Variants in GNAQ observed in about 807,000 individuals in gnomAD.
The protein encoded by GNAQ is guanine nucleotide-binding protein G(q) subunit alpha.
GNAQ carries 8 observed loss-of-function variants against 43.9 expected under a neutral mutation model. The ratio of observed to expected loss-of-function variants is 0.18; its 90% CI spans 0.11 to 0.33. The LOEUF (loss-of-function observed/expected upper bound fraction) is 0.33, where lower values mean the gene tolerates loss of function less well. Ranked by LOEUF, GNAQ falls within the 10% of genes least tolerant of loss-of-function variation. GNAQ has a pLI of 1.00. For synonymous variants in GNAQ, 155 were observed against 170.7 expected (o/e 0.91, Z 0.71); for missense variants, 158 against 450.8 (o/e 0.35, Z 5.88).
At chr9:77,747,263 C>T (rs1431236013) in intron 5 of GNAQ, among the ~76,000 whole-genome samples, 1 of 151,860 alleles carries the variant, frequency 6.6e-6, no homozygotes, top group Non-Finnish European at 1.5e-5. Context: ...GTAACAGAAA[C>T]ATCAAAAGGC....
chr9:77,939,776 T>G (rs184724855), intron 1 of GNAQ, among the ~76,000 whole-genome samples: 1 of 152,340 alleles, frequency 6.6e-6, no homozygotes, highest in Admixed American at 6.5e-5. Context: ...TAGAGAATAT[T>G]TTATAATCAT....
At chr9:77,895,152 C>T (rs1305892342) in intron 2 of GNAQ, among the ~76,000 whole-genome samples, 1 of 147,070 alleles carries the variant, frequency 6.8e-6, no homozygotes, top group African/African-American at 2.5e-5. Flanking sequence ...GAGCCAAGAT[C>T]ACACCACTGC....
In GNAQ at chr9:77,797,783, A is replaced by C. The variant is rs373220899; in HGVS notation, c.477-135T>G. The C allele has an allele frequency of 2.4e-4, 171 of 710,738 alleles. No individual in the cohort carries two copies. In the African/African-American group the frequency reaches 2.7e-3, roughly 11 times the overall value. The allele number at this position is 710,738 out of a possible 1,614,324, so 44.0% of individuals were successfully genotyped here. On this transcript the variant is annotated intron_variant, in intron 3 of 6. Transcript: ENST00000286548. ...GAAAAATATCAGAAAGTGGTAGAGG[A>C]GTCTGTGGAAAAGAAAGATAAAGTC...
At chr9:77,737,381 A>G (rs1825590535) in intron 5 of GNAQ, among the ~76,000 whole-genome samples, 1 of 152,210 alleles carries the variant, frequency 6.6e-6, no homozygotes, top group African/African-American at 2.4e-5. Flanking sequence ...CTAAGTATCT[A>G]GGAGATGGGT....
chr9:77,880,550 T>C (rs1015903971), intron 2 of GNAQ, among the ~76,000 whole-genome samples: 9 of 103,058 alleles, frequency 8.7e-5, no homozygotes, highest in African/African-American at 3.1e-4. Flanking sequence ...TGGATGATTT[T>C]TTCTGTTTTT....
intron 1 of GNAQ, among the ~76,000 whole-genome samples, chr9:77,978,698 G>A (rs1823332398): frequency 6.6e-6 from 1 of 152,050 alleles, no homozygotes. Flanking sequence ...GAGTCAAATG[G>A]GTTCTCTTTT....
rs1825280037 is a variant in GNAQ, at chr9:77,719,712, C to T, written c.*1611G>A. 1 of 232,754 alleles carries T rather than the reference C, an allele frequency of 4.3e-6. No individual in the cohort carries two copies. The highest frequency in any genetic ancestry group is 2.2e-5 in the African/African-American group (1 of 45,326). 14.4% of individuals were successfully genotyped at this position (232,754 alleles called of 1,614,324 possible). On this transcript the variant is annotated 3_prime_UTR_variant, in exon 7 of 7. Transcript: ENST00000286548. Reference sequence around the variant, plus strand: ...TCAAATTTCAACTCAAGCTGCTTGACAGAAGCTTGTCAATACATGTGCTGT... The same window carrying T: ...TCAAATTTCAACTCAAGCTGCTTGATAGAAGCTTGTCAATACATGTGCTGT...
At chr9:77,816,622 T>TAC (rs1255596445) in intron 2 of GNAQ, among the ~76,000 whole-genome samples, 2 of 152,148 alleles carry the variant, frequency 1.3e-5, no homozygotes, top group Non-Finnish European at 2.9e-5. Flanking sequence ...CATATATATA[T>TAC]ACACACACAA....
chr9:77,953,381 A>G (rs1168302267), intron 1 of GNAQ, among the ~76,000 whole-genome samples: 1 of 152,236 alleles, frequency 6.6e-6, no homozygotes, highest in Non-Finnish European at 1.5e-5. Flanking sequence ...TACAAAGAAA[A>G]TGATTTGTAT....
At chr9:77,938,999 C>G (rs1165096491) in intron 1 of GNAQ, among the ~76,000 whole-genome samples, 1 of 152,184 alleles carries the variant, frequency 6.6e-6, no homozygotes, top group African/African-American at 2.4e-5. Flanking sequence ...TAGCAAATGG[C>G]TGCATGAAGG....
At position 77,717,393 on chromosome 9, in the gene GNAQ, C is replaced by T. The variant is rs41310079; in HGVS notation, c.*3930G>A. The T allele has an allele frequency of 2.4e-3, 562 of 232,186 alleles. 1 individual carries two copies. The highest frequency in any genetic ancestry group is 4.1e-3 in the Non-Finnish European group (480 of 117,492). The allele number at this position is 232,186 out of a possible 1,614,324, so 14.4% of individuals were successfully genotyped here. A position where few individuals can be genotyped will look rare whatever the true frequency, so the allele number is the denominator to read the frequency against. ...ACATTCTGCTATATTTCATTTCATT[C>T]GTTTTGAGAAACTGAAAACAAAGGG... is the stretch of plus-strand genomic sequence containing the variant. On this transcript the variant is annotated 3_prime_UTR_variant, in exon 7 of 7. Coordinates refer to ENST00000286548, the MANE Select transcript of GNAQ (RefSeq NM_002072.5).
At chr9:77,737,190 C>A (rs569409713) in intron 5 of GNAQ, among the ~76,000 whole-genome samples, 6 of 152,320 alleles carry the variant, frequency 3.9e-5, no homozygotes, top group Non-Finnish European at 8.8e-5. Flanking sequence ...GCTATCATCT[C>A]GTGGCAGTGC....
chr9:77,863,179 A>AAAGGAAGGAAGGAAGGAAGG (rs750178023), intron 2 of GNAQ, among the ~76,000 whole-genome samples: 10,914 of 129,866 alleles, frequency 0.084, 676 homozygotes, highest in Middle Eastern at 0.15. Context: ...CGTATGAAAG[A>AAAGGAAGGAAGGAAGGAAGG]AAGGAAGGAA....
chr9:77,753,095 A>AG (rs1445371781), intron 5 of GNAQ, among the ~76,000 whole-genome samples: 1 of 151,360 alleles, frequency 6.6e-6, no homozygotes, highest in South Asian at 2.1e-4. Flanking sequence ...TCAAAAAAAA[A>AG]AAAAAAAAAA....
intron 1 of GNAQ, among the ~76,000 whole-genome samples, chr9:77,937,553 T>A (rs1036571643): frequency 3.9e-5 from 6 of 152,222 alleles, no homozygotes; most frequent in Non-Finnish European, 7.3e-5. Flanking sequence ...GTAATGAGAC[T>A]TTTAAGGAGT....
At chr9:78,030,022 T>C (rs929803180) in intron 1 of GNAQ, among the ~76,000 whole-genome samples, 13 of 152,176 alleles carry the variant, frequency 8.5e-5, no homozygotes. Flanking sequence ...AAATTTCTAT[T>C]TGAGAAATGG....
At chr9:77,949,400 T>C (rs1212685449) in intron 1 of GNAQ, among the ~76,000 whole-genome samples, 1 of 152,148 alleles carries the variant, frequency 6.6e-6, no homozygotes, top group East Asian at 1.9e-4. Flanking sequence ...AAAGCAGAAT[T>C]CAAATTCTGA....
intron 1 of GNAQ, among the ~76,000 whole-genome samples, chr9:77,995,192 A>C (rs1823554124): frequency 6.6e-6 from 1 of 152,210 alleles, no homozygotes; most frequent in Non-Finnish European, 1.5e-5. Flanking sequence ...ACCCCCATTT[A>C]TAGATGAAGA....
Position 77,914,413 on chromosome 9 carries a change from C to T in GNAQ, c.321+7748G>A, listed in dbSNP as rs917491130. On this transcript the variant is annotated intron_variant, in intron 2 of 6. Coordinates refer to ENST00000286548, the MANE Select transcript of GNAQ (RefSeq NM_002072.5). ...GTGGCTCATGCCTGTAATCCCAGCA[C>T]TTTGGGAGGCCGAGGCGGGCGGACC... 8.5e-5 allele frequency among the ~76,000 whole-genome samples: 13 copies of T among 152,174 alleles called. No homozygotes were observed. The South Asian group carries it at 2.7e-3, about 32-fold the overall frequency.
Sources: allele counts gnomAD v4.1 joint callset (sites outside exome capture counted in the v4.1 genomes callset), GRCh38; gene constraint gnomAD v4.1.1; transcripts MANE v1.5; gene names NCBI Gene and HGNC (gene_info 2026-07-23, HGNC 2026-07-21).